The following XRCC5 variants were observed in gnomAD, a reference collection of about 807,000 sequenced individuals.
XRCC5 encodes DNA repair protein Ku80.
A neutral mutation model predicts 95.7 loss-of-function variants in XRCC5; 12 were observed. The ratio of observed to expected loss-of-function variants is 0.13; its 90% CI spans 0.08 to 0.20. The LOEUF (loss-of-function observed/expected upper bound fraction) is 0.20. Ranked by LOEUF, XRCC5 falls within the 10% of genes least tolerant of loss-of-function variation. The probability of loss-of-function intolerance (pLI) is 1.00; values close to 1 mark genes in which losing one functional copy is unlikely to be tolerated. For missense variants in XRCC5, 595 were observed against 873.9 expected (o/e 0.68, Z 4.02); for synonymous variants, 281 against 290.3 (o/e 0.97, Z 0.33).
At chr2:216,156,512 A>G in intron 14 of XRCC5, 2 of 621,440 alleles carry the variant, frequency 3.2e-6, no homozygotes, top group Middle Eastern at 2.8e-4. Flanking sequence ...ACAGCAAAAC[A>G]AGACTTCCTC....
At chr2:216,204,686 ATGT>A (rs1446240984) in intron 20 of XRCC5, among the ~76,000 whole-genome samples, 2 of 152,220 alleles carry the variant, frequency 1.3e-5, no homozygotes, top group African/African-American at 4.8e-5. Flanking sequence ...TAGTAGCAAA[ATGT>A]TGTAATTCAC....
intron 16 of XRCC5, chr2:216,175,633 C>A: frequency 2.5e-6 from 1 of 407,980 alleles, no homozygotes; most frequent in South Asian, 2.0e-5. Context: ...ACTTTAATAC[C>A]ACCAGCAAAA....
In XRCC5 at chr2:216,205,874, T is replaced by C. The variant is rs902989005; in HGVS notation, c.*672T>C. On this transcript the variant is annotated 3_prime_UTR_variant, in exon 21 of 21. Transcript: ENST00000392132. ...GCAGTGAGTTATGGTGGTGGTCTCA[T>C]GAAGAAAAGACCTTTTGGCCCAATC... 1 of 152,212 alleles carries C rather than the reference T, an allele frequency of 6.6e-6. No individual in the cohort carries two copies. Among genetic ancestry groups the C allele is most frequent in the Non-Finnish European group, 1.5e-5 (1 of 68,046 alleles). 9.4% of individuals were successfully genotyped at this position (152,212 alleles called of 1,614,324 possible).
chr2:216,148,418 T>C, intron 14 of XRCC5, 142 bp downstream of exon 14: 1 of 699,390 alleles, frequency 1.4e-6, no homozygotes, highest in South Asian at 2.2e-5. Context: ...GGCCCTTATA[T>C]TGAAATATTG....
intron 10 of XRCC5, among the ~76,000 whole-genome samples, chr2:216,136,367 A>AGAAAAG (rs1553571202): frequency 9.1e-5 from 13 of 143,236 alleles, no homozygotes; most frequent in Middle Eastern, 7.2e-3. Context: ...AAAAAAAAAA[A>AGAAAAG]AAAAGAAATA....
chr2:216,163,139 CTTT>C (rs35554087), intron 16 of XRCC5, among the ~76,000 whole-genome samples: 1 of 147,940 alleles, frequency 6.8e-6, no homozygotes. Flanking sequence ...AGGGGAATCA[CTTT>C]TTTTTTTTTA....
At chr2:216,129,909 C>G (rs965521552) in intron 8 of XRCC5, among the ~76,000 whole-genome samples, 6 of 152,120 alleles carry the variant, frequency 3.9e-5, no homozygotes, top group African/African-American at 9.7e-5. Flanking sequence ...ATCTCCTGAC[C>G]TTGTGATCCA....
Position 216,160,189 on chromosome 2 carries a change from C to T in XRCC5, c.1764+28C>T, listed in dbSNP as rs56229019. On this transcript the variant is annotated intron_variant, in intron 15 of 20. Coordinates refer to ENST00000392132, the MANE Select transcript of XRCC5 (RefSeq NM_021141.4). ...AAGCTAAGCTTTTCAAGTGCGCTTC[C>T]CCCTTTGCAGGAAGGTTGGGGCTTG... 38 of 1,512,266 alleles carry T rather than the reference C, an allele frequency of 2.5e-5. No homozygotes were observed. The African/African-American group carries it at 5.0e-4, about 20-fold the overall frequency. The allele number at this position is 1,512,266 out of a possible 1,614,324, so 93.7% of individuals were successfully genotyped here. A position where few individuals can be genotyped will look rare whatever the true frequency, so the allele number is the denominator to read the frequency against.
intron 10 of XRCC5, among the ~76,000 whole-genome samples, chr2:216,133,935 T>C (rs1697031093): frequency 6.6e-6 from 1 of 152,210 alleles, no homozygotes; most frequent in African/African-American, 2.4e-5. Context: ...GCACTCTTCA[T>C]GCATTTGGAG....
intron 10 of XRCC5, among the ~76,000 whole-genome samples, chr2:216,134,365 C>A (rs1697037747): frequency 6.6e-6 from 1 of 151,104 alleles, no homozygotes; most frequent in Admixed American, 6.6e-5. Context: ...TTATACACAG[C>A]TGTAGTACTG....
chr2:216,115,423 G>A (rs1161501479), intron 2 of XRCC5, among the ~76,000 whole-genome samples: 1 of 152,184 alleles, frequency 6.6e-6, no homozygotes, highest in East Asian at 1.9e-4. Flanking sequence ...AGATTACCTT[G>A]CCTTAAGATG....
intron 12 of XRCC5, among the ~76,000 whole-genome samples, chr2:216,140,809 C>G (rs1014077770): frequency 6.6e-6 from 1 of 152,106 alleles, no homozygotes; most frequent in African/African-American, 2.4e-5. Context: ...TGTTTTTCTT[C>G]TTTAGCTAAT....
intron 19 of XRCC5, among the ~76,000 whole-genome samples, chr2:216,198,640 C>T: frequency 6.6e-6 from 1 of 152,080 alleles, no homozygotes; most frequent in East Asian, 1.9e-4. Context: ...ACTGCAACCT[C>T]TGCCTCCCAG....
intron 2 of XRCC5, among the ~76,000 whole-genome samples, chr2:216,115,311 GAA>G (rs148996791): frequency 6.5e-4 from 99 of 152,252 alleles, no homozygotes; most frequent in African/African-American, 2.4e-3. Flanking sequence ...GTTGTAGAGA[GAA>G]AGAGTCAGAA....
intron 16 of XRCC5, among the ~76,000 whole-genome samples, chr2:216,184,443 AT>A (rs899400806): frequency 4.3e-4 from 65 of 152,212 alleles, no homozygotes; most frequent in African/African-American, 1.6e-3. Flanking sequence ...AAACCTGCAA[AT>A]TTTAGCTTCC....
intron 5 of XRCC5, among the ~76,000 whole-genome samples, chr2:216,120,129 C>G (rs995753544): frequency 2.6e-5 from 4 of 152,166 alleles, no homozygotes; most frequent in Non-Finnish European, 4.4e-5. Context: ...AAAAAGAGTT[C>G]AGAATAACCC....
intron 16 of XRCC5, among the ~76,000 whole-genome samples, chr2:216,173,211 T>C (rs1176603326): frequency 1.3e-5 from 2 of 152,098 alleles, no homozygotes; most frequent in African/African-American, 4.8e-5. Context: ...TTGTAAGTTT[T>C]TCTTTCTTTT....
chr2:216,109,855 G>A (rs957537482), intron 1 of XRCC5, among the ~76,000 whole-genome samples: 8 of 152,076 alleles, frequency 5.3e-5, no homozygotes, highest in Admixed American at 4.6e-4. Flanking sequence ...AAAATTAGCT[G>A]TGATAAAGCA....
intron 10 of XRCC5, among the ~76,000 whole-genome samples, chr2:216,133,726 C>T (rs1485411195): frequency 6.6e-6 from 1 of 152,144 alleles, no homozygotes; most frequent in Non-Finnish European, 1.5e-5. Flanking sequence ...AGATTTATCT[C>T]CTAATGGCAA....
Sources: allele counts gnomAD v4.1 joint callset (sites outside exome capture counted in the v4.1 genomes callset), GRCh38; gene constraint gnomAD v4.1.1; transcripts MANE v1.5; gene names NCBI Gene and HGNC (gene_info 2026-07-23, HGNC 2026-07-21).